The following PIN4 variants were observed in gnomAD, a reference collection of about 807,000 sequenced individuals.
The protein encoded by PIN4 is peptidylprolyl cis/trans isomerase, NIMA-interacting 4.
Under a neutral mutation model 8.3 loss-of-function variants are expected in PIN4, and 3 were observed. That is an observed-to-expected ratio of 0.36 (90% CI 0.16 to 0.93). PIN4 has a LOEUF of 0.93. Among genes scored for constraint, PIN4 ranks in the 40% least tolerant of loss-of-function variants. The probability of loss-of-function intolerance (pLI) is 0.44; values close to 1 mark genes in which losing one functional copy is unlikely to be tolerated. For synonymous variants in PIN4, 18 were observed against 32.5 expected (o/e 0.55, Z 1.52); for missense variants, 75 against 100.6 (o/e 0.75, Z 1.09).
At chrX:72,257,547 AG>A (rs1230887560) in intron 3 of PIN4, among the ~76,000 whole-genome samples, 1 of 111,304 alleles carries the variant, frequency 9.0e-6, no homozygotes, top group East Asian at 2.8e-4. Context: ...GCAGCTAGGG[AG>A]ATGATGATAA....
chrX:72,184,409 G>A (rs148228132), intron 1 of PIN4, among the ~76,000 whole-genome samples: 39 of 111,942 alleles, frequency 3.5e-4, no homozygotes, highest in African/African-American at 1.3e-3. Flanking sequence ...CAGTTCCATC[G>A]TGTGCCCCCG....
rs2147583060 is a variant in PIN4, at chrX:72,207,220, C to T, written c.312+10316C>T. 3 of 1,211,214 alleles carry T rather than the reference C, an allele frequency of 2.5e-6. No individual in the cohort carries two copies. The South Asian group carries it at 5.3e-5, about 21-fold the overall frequency. On this transcript the variant is annotated intron_variant, in intron 3 of 3. Coordinates refer to the PIN4 transcript ENST00000423432. ...CTGGAATAAGTTAATTCTTTTTTCT[C>T]GTTCCAAAAGATGAGTAACTGTCCC...
chrX:72,237,622 G>A (rs1236580323), intron 3 of PIN4, among the ~76,000 whole-genome samples: 1 of 105,494 alleles, frequency 9.5e-6, no homozygotes, highest in Non-Finnish European at 1.9e-5. Flanking sequence ...AAAATAGCTG[G>A]GTGTGGTGGT....
chrX:72,207,762 C>T, intron 3 of PIN4: 2 of 1,211,146 alleles, frequency 1.7e-6, no homozygotes, highest in African/African-American at 1.7e-5. Context: ...TTGACTTTTT[C>T]TTCTGTACGT....
At chrX:72,192,560 T>A (rs966268938) in intron 2 of PIN4, among the ~76,000 whole-genome samples, 1 of 111,516 alleles carries the variant, frequency 9.0e-6, no homozygotes, top group African/African-American at 3.3e-5. Context: ...CCTACCTATA[T>A]GGCCTTTCCT....
intron 3 of PIN4, among the ~76,000 whole-genome samples, chrX:72,227,022 A>T (rs2042957810): frequency 9.0e-6 from 1 of 111,613 alleles, no homozygotes. Flanking sequence ...CCAACACTAA[A>T]TCCCTTTCTT....
chrX:72,198,258 G>T lies in PIN4; in HGVS notation c.*732G>T. The T allele has an allele frequency of 4.1e-6, 3 of 726,309 alleles. No homozygotes were observed. The highest frequency in any genetic ancestry group is 4.9e-6 in the Non-Finnish European group (3 of 613,819). The allele number at this position is 726,309 out of a possible 1,213,427, so 59.9% of individuals were successfully genotyped here. On this transcript the variant is annotated 3_prime_UTR_variant, in exon 4 of 4. Coordinates refer to ENST00000373669, the MANE Select transcript of PIN4 (RefSeq NM_006223.4). The stretch of plus-strand genomic sequence containing the variant: ...CATCTAAATTTTTAAAATTTAAAAT[G>T]CCATATTTATGACATATAAAAAAGT...
chrX:72,188,624 G>A (rs2042716035), intron 2 of PIN4, among the ~76,000 whole-genome samples: 1 of 112,491 alleles, frequency 8.9e-6, no homozygotes, highest in Non-Finnish European at 1.9e-5. Context: ...CTCCCAAAGT[G>A]CTGGGATTAC....
intron 2 of PIN4, among the ~76,000 whole-genome samples, chrX:72,191,991 GC>G (rs2042737169): frequency 9.1e-6 from 1 of 109,739 alleles, no homozygotes; most frequent in East Asian, 2.8e-4. Flanking sequence ...CACTCTTGTT[GC>G]CCAGGCTGGA....
At chrX:72,234,300 TG>T (rs2043004189) in intron 3 of PIN4, among the ~76,000 whole-genome samples, 1 of 111,799 alleles carries the variant, frequency 8.9e-6, no homozygotes, top group Non-Finnish European at 1.9e-5. Flanking sequence ...ATGAATCATG[TG>T]TTTCATGGAG....
chrX:72,261,197 A>G (rs768014690), intron 3 of PIN4, among the ~76,000 whole-genome samples: 86 of 106,206 alleles, frequency 8.1e-4, no homozygotes, highest in African/African-American at 2.9e-3. Context: ...CGGGAGGCTG[A>G]GGCAGGGAGA....
chrX:72,233,822 G>T (rs937030569), intron 3 of PIN4, among the ~76,000 whole-genome samples: 1 of 103,853 alleles, frequency 9.6e-6, no homozygotes, highest in South Asian at 4.3e-4. Flanking sequence ...TAAGAATATG[G>T]TTTTTTTTTT....
chrX:72,185,386 T>C (rs953447472), intron 1 of PIN4, among the ~76,000 whole-genome samples: 2 of 110,733 alleles, frequency 1.8e-5, no homozygotes, highest in Non-Finnish European at 3.8e-5. Flanking sequence ...GCTAACCAGC[T>C]CCTACTCATC....
chrX:72,246,287 C>T (rs1007335595), intron 3 of PIN4, among the ~76,000 whole-genome samples: 7 of 111,427 alleles, frequency 6.3e-5, no homozygotes, highest in African/African-American at 2.0e-4. Flanking sequence ...CTCTAAAATA[C>T]ATCCCAAATC....
intron 3 of PIN4, among the ~76,000 whole-genome samples, chrX:72,217,512 A>G (rs1390941504): frequency 1.8e-5 from 2 of 111,826 alleles, no homozygotes; most frequent in African/African-American, 6.5e-5. Context: ...CCCCAAACCA[A>G]AACTTGTGTA....
At chrX:72,206,059 T>C in intron 3 of PIN4, 1 of 1,211,394 alleles carries the variant, frequency 8.3e-7, no homozygotes. Flanking sequence ...TTGACTTTCA[T>C]TTGTTATGGA....
At chrX:72,251,464 C>A in intron 3 of PIN4, among the ~76,000 whole-genome samples, 1 of 110,661 alleles carries the variant, frequency 9.0e-6, no homozygotes, top group Non-Finnish European at 1.9e-5. Flanking sequence ...CTAGAAACTG[C>A]CAAATTGCCC....
chrX:72,211,564 T>G (rs2147586438), intron 3 of PIN4, among the ~76,000 whole-genome samples: 1 of 111,509 alleles, frequency 9.0e-6, no homozygotes, highest in Non-Finnish European at 1.9e-5. Context: ...TGGATTACAA[T>G]TCAAGATGAG....
At chrX:72,245,729 G>T (rs756389118) in intron 3 of PIN4, among the ~76,000 whole-genome samples, 56 of 111,872 alleles carry the variant, frequency 5.0e-4, no homozygotes, top group African/African-American at 1.7e-3. Context: ...CTGGCCCCTG[G>T]GATGGATAAA....
Sources: gnomAD v4.1 joint callset for allele counts (sites outside exome capture counted in the v4.1 genomes callset) on GRCh38, gnomAD v4.1.1 for gene constraint, MANE v1.5 for transcripts, NCBI Gene and HGNC (gene_info 2026-07-23, HGNC 2026-07-21) for gene names.